The following PCDHA8 variants were observed in gnomAD, a reference collection of about 807,000 sequenced individuals.
PCDHA8 encodes protocadherin alpha-8.
PCDHA8 carries 53 observed loss-of-function variants against 61.8 expected under a neutral mutation model. The observed-to-expected ratio is 0.86, with a 90% CI of 0.69 to 1.08. The LOEUF (loss-of-function observed/expected upper bound fraction) is 1.08, where lower values mean the gene tolerates loss of function less well. Among genes scored for constraint, PCDHA8 ranks in the 50% least tolerant of loss-of-function variants. PCDHA8 has a pLI of 0.00. For missense variants in PCDHA8, 1,293 were observed against 1,245.0 expected (o/e 1.04, Z -0.58); for synonymous variants, 618 against 556.6 (o/e 1.11, Z -1.55).
rs200121350 is a variant in PCDHA8 at position 140,876,941 on chromosome 5, T to C, written c.2394+33226T>C. The C allele has an allele frequency of 7.9e-5, 128 of 1,613,666 alleles. No individual in the cohort carries two copies. The Middle Eastern group carries it at 1.4e-3, about 17-fold the overall frequency. ...GCGGACGCGCAGAAGAACGCGCTGGTGTCCTACTCGCTGGTGGAGCGGCGG... is the reference window on the plus strand; with the variant it reads ...GCGGACGCGCAGAAGAACGCGCTGGCGTCCTACTCGCTGGTGGAGCGGCGG... On this transcript the variant is annotated intron_variant, in intron 1 of 3. Coordinates refer to ENST00000531613, the MANE Select transcript of PCDHA8 (RefSeq NM_018911.3).
At chr5:140,954,831 C>CCT (rs2095096167) in intron 1 of PCDHA8, among the ~76,000 whole-genome samples, 1 of 152,116 alleles carries the variant, frequency 6.6e-6, no homozygotes, top group Admixed American at 6.5e-5. Flanking sequence ...GCACTTTTGT[C>CCT]ATGAAATCTT....
chr5:140,916,220 A>G (rs886998484), intron 1 of PCDHA8, among the ~76,000 whole-genome samples: 11 of 152,084 alleles, frequency 7.2e-5, no homozygotes, highest in African/African-American at 2.7e-4. Context: ...AGATCCAAAT[A>G]TGCTTTCCAG....
chr5:140,877,581 C>G (rs904001764), intron 1 of PCDHA8: 1 of 1,613,842 alleles, frequency 6.2e-7, no homozygotes, highest in Admixed American at 1.7e-5. Context: ...TCATCATCGC[C>G]ATCTGTGCGG....
At chr5:140,853,611 G>A in intron 1 of PCDHA8, 1 of 988,014 alleles carries the variant, frequency 1.0e-6, no homozygotes. Flanking sequence ...AGGGGGTGCT[G>A]TAAATAAGTA....
chr5:140,876,408 G>T, intron 1 of PCDHA8: 1 of 1,613,942 alleles, frequency 6.2e-7, no homozygotes, highest in Non-Finnish European at 8.5e-7. Flanking sequence ...ATTTTGAAGA[G>T]AATAATGCCT....
chr5:140,976,323 G>A (rs532976656), intron 1 of PCDHA8, among the ~76,000 whole-genome samples: 26 of 152,258 alleles, frequency 1.7e-4, no homozygotes, highest in African/African-American at 6.0e-4. Context: ...GGCCGAGGAG[G>A]GTGGATTGCC....
At position 140,988,717 on chromosome 5, in the gene PCDHA8, T is replaced by C. The variant is rs79402139; in HGVS notation, c.2542+6154T>C. Among the ~76,000 whole-genome samples, 1,208 of 152,334 alleles carry C rather than the reference T, an allele frequency of 7.9e-3. 20 individuals carry two copies. Among genetic ancestry groups the C allele is most frequent in the African/African-American group, 0.027 (1,139 of 41,566 alleles). On this transcript the variant is annotated intron_variant, in intron 3 of 3. Transcript: ENST00000531613. ...CTCTGTATTTTCTTGGACCTCTCATTTGCCCCATAGTAATTATTCTAGGAT... is the reference window on the plus strand; with the variant it reads ...CTCTGTATTTTCTTGGACCTCTCATCTGCCCCATAGTAATTATTCTAGGAT...
intron 1 of PCDHA8, among the ~76,000 whole-genome samples, chr5:140,845,274 T>C (rs1779779803): frequency 6.7e-6 from 1 of 149,592 alleles, no homozygotes; most frequent in South Asian, 2.1e-4. Flanking sequence ...TTTGTGAAAG[T>C]AATATTTCCT....
intron 1 of PCDHA8, chr5:140,966,674 G>A: frequency 7.7e-7 from 1 of 1,295,168 alleles, no homozygotes; most frequent in Non-Finnish European, 1.0e-6. Flanking sequence ...GGCGCAGGGT[G>A]GCACGAGCGG....
intron 1 of PCDHA8, among the ~76,000 whole-genome samples, chr5:140,957,708 T>TA (rs1330263414): frequency 6.6e-6 from 1 of 152,124 alleles, no homozygotes; most frequent in Non-Finnish European, 1.5e-5. Context: ...ATGTAGTTTT[T>TA]ATTAAGAAAG....
chr5:140,843,751 T>A (rs2150366147), intron 1 of PCDHA8, 36 bp downstream of exon 1: 1 of 1,519,852 alleles, frequency 6.6e-7, no homozygotes, highest in Non-Finnish European at 9.0e-7. Context: ...ATAAATTCTA[T>A]TTGTGGAAAT....
chr5:140,841,892 C>G lies in PCDHA8; in HGVS notation c.571C>G (p.Leu191Val). The G allele has an allele frequency of 6.2e-7, 1 of 1,613,788 alleles. No individual in the cohort carries two copies. Among genetic ancestry groups the G allele is most frequent in the South Asian group, 1.1e-5 (1 of 91,070 alleles). ...GAATTCAAAGAACGATGAGAATAAA[C>G]TGGTTGAGCTCGTATTAAGAAAATC... ...DVNSKNDENK[L>V]VELVLRKSLD... is the part of the protein sequence containing the mutation. The change falls in exon 1 of 4, where the codon CTG becomes GTG. Residue 191 changes from leucine to valine, a missense_variant. Coordinates refer to ENST00000531613, the MANE Select transcript of PCDHA8 (RefSeq NM_018911.3).
At chr5:140,849,768 G>A (rs1306922979) in intron 1 of PCDHA8, 2 of 1,598,386 alleles carry the variant, frequency 1.3e-6, no homozygotes, top group African/African-American at 2.7e-5. Flanking sequence ...CGAGCTGGTG[G>A]TTACCGCGCG....
At chr5:140,959,428 A>AT (rs2095488424) in intron 1 of PCDHA8, among the ~76,000 whole-genome samples, 1 of 152,102 alleles carries the variant, frequency 6.6e-6, no homozygotes, top group Non-Finnish European at 1.5e-5. Context: ...GAATTTGTGT[A>AT]TTTTTTTCTA....
chr5:141,007,935 C>G (rs2098352677), intron 3 of PCDHA8, among the ~76,000 whole-genome samples: 1 of 152,176 alleles, frequency 6.6e-6, no homozygotes, highest in African/African-American at 2.4e-5. Flanking sequence ...GAATTCTAAG[C>G]CACCTTTTTG....
At chr5:140,966,744 T>A in intron 1 of PCDHA8, 1 of 1,424,124 alleles carries the variant, frequency 7.0e-7, no homozygotes. Flanking sequence ...CCTGCCCGGC[T>A]GCCTCCGCCG....
intron 1 of PCDHA8, among the ~76,000 whole-genome samples, chr5:140,935,795 C>T (rs1366379710): frequency 2.0e-5 from 3 of 151,764 alleles, no homozygotes; most frequent in Admixed American, 6.6e-5. Flanking sequence ...AAAATATAAA[C>T]GAGATTATTT....
chr5:140,858,117 C>A (rs1191323415), intron 1 of PCDHA8: 1 of 1,597,608 alleles, frequency 6.3e-7, no homozygotes, highest in African/African-American at 1.3e-5. Context: ...CCCGAGGTGG[C>A]CCTGGTGGAT....
chr5:140,877,698 C>T, intron 1 of PCDHA8: 2 of 1,613,958 alleles, frequency 1.2e-6, no homozygotes, highest in Non-Finnish European at 1.7e-6. Context: ...TGGTGTGCTC[C>T]AGCGCCGTGG....
Sources: allele counts gnomAD v4.1 joint callset (sites outside exome capture counted in the v4.1 genomes callset), GRCh38; gene constraint gnomAD v4.1.1; transcripts MANE v1.5; gene names NCBI Gene and HGNC (gene_info 2026-07-23, HGNC 2026-07-21).